Variants in SDF2L1 observed in about 807,000 individuals in gnomAD.
The protein encoded by SDF2L1 is stromal cell-derived factor 2-like protein 1.
A neutral mutation model predicts 19.4 loss-of-function variants in SDF2L1; 18 were observed. That is an observed-to-expected ratio of 0.93 (90% confidence interval 0.64 to 1.38). The LOEUF (loss-of-function observed/expected upper bound fraction) is 1.38. Among genes scored for constraint, SDF2L1 ranks in the 40% most tolerant of loss-of-function variants. SDF2L1 has a pLI of 0.00. For missense variants in SDF2L1, 263 were observed against 319.4 expected (o/e 0.82, Z 1.35); for synonymous variants, 161 against 148.9 (o/e 1.08, Z -0.59).
In SDF2L1 at chr22:21,644,188, ATGGGTGGATGGAGGG is replaced by A. The variant is rs764205187; in HGVS notation, c.*17_*31del. On this transcript the variant is annotated 3_prime_UTR_variant, in exon 3 of 3. Transcript: ENST00000248958. ...CGATGAACTCTGAGTGTGTGGATGG[ATGGGTGGATGGAGGG>A]TGGCAGGTGGGGCGTCTGCAGGGCC... 2 of 1,608,974 alleles carry A rather than the reference ATGGGTGGATGGAGGG, an allele frequency of 1.2e-6. No individual in the cohort carries two copies. The highest frequency in any genetic ancestry group is 1.7e-6 in the Non-Finnish European group (2 of 1,175,786).
chr22:21,642,727 A>AAAGACT, intron 1 of SDF2L1, 135 bp from the exon 2 acceptor site: 1 of 1,232,774 alleles, frequency 8.1e-7, no homozygotes, highest in East Asian at 2.6e-5. Context: ...CTGCGGGCCC[A>AAAGACT]AAGACTGAGG....
In SDF2L1 at chr22:21,642,309, C is replaced by G; in HGVS notation, c.-28C>G. On this transcript the variant is annotated 5_prime_UTR_variant, in exon 1 of 3. Transcript: ENST00000248958. Reference sequence around the variant, plus strand: ...GGCGGGGACGGAAGCGGCCCCTGGGCCCGAGGGGCTGGAGCCGGGCCGGGG... The same window carrying G: ...GGCGGGGACGGAAGCGGCCCCTGGGGCCGAGGGGCTGGAGCCGGGCCGGGG... The G allele has an allele frequency of 7.6e-7, 1 of 1,315,452 alleles. No homozygotes were observed. 81.5% of individuals were successfully genotyped at this position (1,315,452 alleles called of 1,614,324 possible). A position where few individuals can be genotyped will look rare whatever the true frequency, so the allele number is the denominator to read the frequency against.
Position 21,643,059 on chromosome 22 carries a change from G to C in SDF2L1, c.384+1G>C. On this transcript the variant is annotated splice_donor_variant, in intron 2 of 2. Coordinates refer to ENST00000248958, the MANE Select transcript of SDF2L1 (RefSeq NM_022044.3). LOFTEE classifies it high-confidence loss of function. The stretch of plus-strand genomic sequence containing the variant: ...CCCGTCGCCGCTGTCCAACAACCAG[G>C]TGAGCCCCTCCCGGAGCCCCCAGAG... The C allele has an allele frequency of 6.4e-7, 1 of 1,553,486 alleles. No individual in the cohort carries two copies. Among genetic ancestry groups the C allele is most frequent in the Non-Finnish European group, 8.7e-7 (1 of 1,149,104 alleles).
In SDF2L1 at chr22:21,642,813, G is replaced by T. The variant is rs745469264; in HGVS notation, c.188-49G>T. The T allele has an allele frequency of 8.4e-6, 13 of 1,550,010 alleles. No individual in the cohort carries two copies. In the South Asian group the frequency reaches 1.5e-4, roughly 18 times the overall value. Reference sequence around the variant, plus strand: ...TTCTGGTCCCAGGGCGAGGGTCCGGGGTTCCGCGATTGACGGAGACCCTGG... The same window carrying T: ...TTCTGGTCCCAGGGCGAGGGTCCGGTGTTCCGCGATTGACGGAGACCCTGG... On this transcript the variant is annotated intron_variant, in intron 1 of 2. Transcript: ENST00000248958.
intron 2 of SDF2L1, 142 bp from the exon 3 acceptor site, chr22:21,643,752 G>C: frequency 1.3e-6 from 1 of 750,890 alleles, no homozygotes; most frequent in South Asian, 1.8e-5. Flanking sequence ...TAGAGGTTGC[G>C]GGGGCGGGTC....
intron 1 of SDF2L1, 50 bp downstream of exon 1, chr22:21,642,573 T>G: frequency 1.0e-4 from 153 of 1,494,654 alleles, no homozygotes; most frequent in Non-Finnish European, 1.3e-4. Flanking sequence ...GGCTCGGGGT[T>G]GGGAGTGTGG....
Position 21,642,449 on chromosome 22 carries a change from GC to G in SDF2L1, c.114del (p.Cys38TrpfsTer5). ...AAGACCGGTGCGGAGCTCGTGACCTGCGGGTCGGTGCTGAAGCTGCTCAATA... is the reference window on the plus strand; with the variant it reads ...AAGACCGGTGCGGAGCTCGTGACCTGGGGTCGGTGCTGAAGCTGCTCAATA... The part of the protein sequence containing the change: ...AAKTGAELVT[C>X]GSVLKLLNTH... On this transcript the variant is annotated frameshift_variant, in exon 1 of 3. Coordinates refer to ENST00000248958, the MANE Select transcript of SDF2L1 (RefSeq NM_022044.3). LOFTEE classifies it high-confidence loss of function. The G allele has an allele frequency of 6.8e-7, 1 of 1,480,656 alleles. No homozygotes were observed. Among genetic ancestry groups the G allele is most frequent in the East Asian group, 2.8e-5 (1 of 35,424 alleles). The allele number at this position is 1,480,656 out of a possible 1,614,324, so 91.7% of individuals were successfully genotyped here.
chr22:21,642,388 C>T lies in SDF2L1; in HGVS notation c.52C>T (p.Leu18=), dbSNP rs1043311633. 1 of 1,446,864 alleles carries T rather than the reference C, an allele frequency of 6.9e-7. No homozygotes were observed. Among genetic ancestry groups the T allele is most frequent in the Non-Finnish European group, 9.0e-7 (1 of 1,110,342 alleles). The allele number at this position is 1,446,864 out of a possible 1,614,324, so 89.6% of individuals were successfully genotyped here. The change falls in exon 1 of 3, where the codon CTG becomes TTG. Residue 18 remains leucine, a synonymous_variant. Coordinates refer to ENST00000248958, the MANE Select transcript of SDF2L1 (RefSeq NM_022044.3). ...TGCCTGGCCGGTGCTGTTGGGGCTG[C>T]TGCTGGCGCTGTTAGTGCCGGGCGG... ...GAAWPVLLGL[L]LALLVPGGGA...
At chr22:21,642,561 G>A in intron 1 of SDF2L1, 38 bp downstream of exon 1, 1 of 1,503,068 alleles carries the variant, frequency 6.7e-7, no homozygotes, top group Non-Finnish European at 8.8e-7. Context: ...GCGGGGAACC[G>A]GGGCTCGGGG....
chr22:21,643,887 C>T lies in SDF2L1; in HGVS notation c.385-7C>T, dbSNP rs746025906. 3.1e-6 allele frequency: 5 copies of T among 1,610,722 alleles called. No homozygotes were observed. Among genetic ancestry groups the T allele is most frequent in the Non-Finnish European group, 4.2e-6 (5 of 1,178,046 alleles). On this transcript the variant is annotated splice_polypyrimidine_tract_variant and splice_region_variant and intron_variant, in intron 2 of 2. Coordinates refer to ENST00000248958, the MANE Select transcript of SDF2L1 (RefSeq NM_022044.3). The stretch of plus-strand genomic sequence containing the variant: ...GACCACTGTCTTCTCATCCTTTGCA[C>T]CTATAGGAGGTGAGTGCCTTTGGGG...
At chr22:21,643,240 C>A in intron 2 of SDF2L1, 182 bp downstream of exon 2, 1 of 715,596 alleles carries the variant, frequency 1.4e-6, no homozygotes, top group Non-Finnish European at 2.3e-6. Context: ...CCCTCAGGTG[C>A]TCCCGGCCCG....
Position 21,643,139 on chromosome 22 carries a change from C to G in SDF2L1, c.384+81C>G, listed in dbSNP as rs958915776. ...ACAGAGCCCTGGGTTCCAATCCGAG[C>G]CTCAGCTTCTTCGTGAAATGGAAAT... On this transcript the variant is annotated intron_variant, in intron 2 of 2. Transcript: ENST00000248958. The G allele has an allele frequency of 5.5e-6, 8 of 1,458,616 alleles. No individual in the cohort carries two copies. In the Admixed American group the frequency reaches 1.7e-4, roughly 31 times the overall value. The allele number at this position is 1,458,616 out of a possible 1,614,324, so 90.4% of individuals were successfully genotyped here. A position where few individuals can be genotyped will look rare whatever the true frequency, so the allele number is the denominator to read the frequency against.
chr22:21,643,281 G>A, intron 2 of SDF2L1: 1 of 609,762 alleles, frequency 1.6e-6, no homozygotes, highest in Non-Finnish European at 2.9e-6. Flanking sequence ...GAGATCCGGA[G>A]AGATACGCCT....
In SDF2L1 at chr22:21,642,486, C is replaced by T. The variant is rs2066086645; in HGVS notation, c.150C>T (p.Arg50=). 3 of 1,518,710 alleles carry T rather than the reference C, an allele frequency of 2.0e-6. No individual in the cohort carries two copies. The highest frequency in any genetic ancestry group is 1.4e-5 in the African/African-American group (1 of 70,442). 94.1% of individuals were successfully genotyped at this position (1,518,710 alleles called of 1,614,324 possible). ...TGAAGCTGCTCAATACGCACCACCG[C>T]GTGCGGCTGCACTCGCACGACATCA... ...SVLKLLNTHH[R]VRLHSHDIKY... Residue 50 remains arginine, a synonymous_variant, in exon 1 of 3, where the codon CGC becomes CGT. Transcript: ENST00000248958.
intron 2 of SDF2L1, 81 bp downstream of exon 2, chr22:21,643,139 C>T (rs958915776): frequency 6.9e-7 from 1 of 1,458,616 alleles, no homozygotes; most frequent in Non-Finnish European, 9.2e-7. Context: ...CCAATCCGAG[C>T]CTCAGCTTCT....
Sources: allele counts gnomAD v4.1 joint callset, GRCh38; gene constraint gnomAD v4.1.1; transcripts MANE v1.5; gene names NCBI Gene and HGNC (gene_info 2026-07-23, HGNC 2026-07-21).